STAC: variants seen among roughly 807,000 people sequenced by gnomAD.
STAC encodes the protein SH3 and cysteine-rich domain-containing protein.
A neutral mutation model predicts 48.8 loss-of-function variants in STAC; 43 were observed. The ratio of observed to expected loss-of-function variants is 0.88; its 90% confidence interval spans 0.69 to 1.14. The LOEUF is 1.14. STAC is among the 50% of genes most tolerant of loss of function. The probability of loss-of-function intolerance (pLI) is 0.00; values close to 1 mark genes in which losing one functional copy is unlikely to be tolerated. For synonymous variants in STAC, 193 were observed against 179.5 expected (o/e 1.07, Z -0.60); for missense variants, 497 against 504.0 (o/e 0.99, Z 0.13).
chr3:36,493,219 C>T lies in STAC; in HGVS notation c.756C>T (p.Arg252=), dbSNP rs1179248414. 1 of 1,613,346 alleles carries T rather than the reference C, an allele frequency of 6.2e-7. No individual in the cohort carries two copies. Among genetic ancestry groups the T allele is most frequent in the African/African-American group, 1.3e-5 (1 of 75,028 alleles). ...GPGGGYDLRK[R]SNSVFTYPEN... ...GAGGCGGGTATGACCTAAGGAAACGCAGCAACAGCGGTGAGTGAGGGAGTT... is the reference window on the plus strand; with the variant it reads ...GAGGCGGGTATGACCTAAGGAAACGTAGCAACAGCGGTGAGTGAGGGAGTT... Residue 252 remains arginine (R), a synonymous_variant, in exon 6 of 11, where the codon CGC becomes CGT. Transcript: ENST00000273183.
rs1559471388 is a variant in STAC, at chr3:36,380,633, G to GCGC, written c.-10_-8dup. ...CCTCCGGGAGCCCAACACCGTTCCC[G>GCGC]CGCGGCCACGATGATCCCTCCGAGC... is the stretch of plus-strand genomic sequence containing the variant. On this transcript the variant is annotated 5_prime_UTR_variant, in exon 1 of 11. Coordinates refer to ENST00000273183, the MANE Select transcript of STAC (RefSeq NM_003149.3). 1 of 1,572,852 alleles carries GCGC rather than the reference G, an allele frequency of 6.4e-7. No individual in the cohort carries two copies. The highest frequency in any genetic ancestry group is 8.6e-7 in the Non-Finnish European group (1 of 1,157,758).
chr3:36,414,636 C>T (rs143501920), intron 1 of STAC, among the ~76,000 whole-genome samples: 20 of 152,232 alleles, frequency 1.3e-4, no homozygotes, highest in East Asian at 1.9e-4. Context: ...TCCTTTAGCT[C>T]GGAGAAGTTT....
At chr3:36,381,710 C>T (rs763788643) in intron 1 of STAC, among the ~76,000 whole-genome samples, 8 of 152,164 alleles carry the variant, frequency 5.3e-5, no homozygotes, top group Non-Finnish European at 1.0e-4. Context: ...TGTCTCTCTT[C>T]ACATGCATCC....
chr3:36,401,626 T>C (rs1049041355), intron 1 of STAC, among the ~76,000 whole-genome samples: 1 of 152,154 alleles, frequency 6.6e-6, no homozygotes, highest in Non-Finnish European at 1.5e-5. Context: ...CCCTGTCTAC[T>C]AGCAAGACAG....
At chr3:36,450,003 T>A (rs1410212809) in intron 2 of STAC, among the ~76,000 whole-genome samples, 1 of 151,636 alleles carries the variant, frequency 6.6e-6, no homozygotes, top group Non-Finnish European at 1.5e-5. Flanking sequence ...CTGAATGCCC[T>A]TCCTTCCTAC....
Position 36,546,379 on chromosome 3 carries a change from C to A in STAC, c.*90C>A. On this transcript the variant is annotated 3_prime_UTR_variant, in exon 11 of 11. Transcript: ENST00000273183. ...CTGCGTCAACCCAAAGGAGCTGCCG[C>A]ACTGACCCAGCCCCCCAGGAAACAG... 1 of 1,109,580 alleles carries A rather than the reference C, an allele frequency of 9.0e-7. No homozygotes were observed. The highest frequency in any genetic ancestry group is 1.4e-6 in the Non-Finnish European group (1 of 729,484). 68.7% of individuals were successfully genotyped at this position (1,109,580 alleles called of 1,614,324 possible). A position where few individuals can be genotyped will look rare whatever the true frequency, so the allele number is the denominator to read the frequency against.
intron 8 of STAC, chr3:36,506,283 T>G (rs1004377155): frequency 6.5e-6 from 1 of 153,718 alleles, no homozygotes; most frequent in African/African-American, 2.4e-5. Context: ...TTCTGTACCA[T>G]TGGTCTATAT....
chr3:36,530,657 A>G (rs1329825867), intron 10 of STAC, among the ~76,000 whole-genome samples: 2 of 131,064 alleles, frequency 1.5e-5, no homozygotes, highest in African/African-American at 5.9e-5. Context: ...GTGCAATGGC[A>G]CAATCTCGGC....
At chr3:36,401,747 A>T (rs73828878) in intron 1 of STAC, among the ~76,000 whole-genome samples, 30,888 of 152,166 alleles carry the variant, frequency 0.2, 3,280 homozygotes, top group Middle Eastern at 0.23. Flanking sequence ...TTTTGAAGAA[A>T]TTCAAGACAG....
chr3:36,450,405 C>T (rs977813278), intron 2 of STAC, among the ~76,000 whole-genome samples: 3 of 152,158 alleles, frequency 2.0e-5, no homozygotes, highest in African/African-American at 7.2e-5. Context: ...ACACAGATAC[C>T]CTCTTCCCTC....
chr3:36,400,113 T>A (rs1231851440), intron 1 of STAC, among the ~76,000 whole-genome samples: 1 of 152,256 alleles, frequency 6.6e-6, no homozygotes, highest in East Asian at 1.9e-4. Flanking sequence ...GCTTTCAATG[T>A]CTCATCCCCT....
intron 5 of STAC, 48 bp from the exon 6 acceptor site, chr3:36,493,103 C>T (rs1698035085): frequency 6.4e-7 from 1 of 1,565,178 alleles, no homozygotes; most frequent in African/African-American, 1.4e-5. Flanking sequence ...CTCAATTGAC[C>T]ACAGATATAA....
rs751501265 is a variant in STAC at position 36,398,365 on chromosome 3, A to AAGAAAGAAAG, written c.111+17616_111+17617insGAAAGAGAAA. On this transcript the variant is annotated intron_variant, in intron 1 of 10. Transcript: ENST00000273183. ...AAAGAAAGAAAGAAAGAAAGAAAGAAAGAAAAGAAAGAGAGAAAGAAAGAA... is the reference window on the plus strand; with the variant it reads ...AAAGAAAGAAAGAAAGAAAGAAAGAAAGAAAGAAAGAGAAAAGAAAGAGAGAAAGAAAGAA... 1.2e-4 allele frequency among the ~76,000 whole-genome samples: 17 copies of AAGAAAGAAAG among 141,792 alleles called. 2 individuals carry two copies. Among genetic ancestry groups the AAGAAAGAAAG allele is most frequent in the Admixed American group, 3.5e-4 (5 of 14,492 alleles). 93.0% of individuals were successfully genotyped at this position (141,792 alleles called of 152,430 possible). A position where few individuals can be genotyped will look rare whatever the true frequency, so the allele number is the denominator to read the frequency against.
rs59881573 is a variant in STAC, at chr3:36,380,572, G to A, written c.-72G>A. On this transcript the variant is annotated 5_prime_UTR_variant, in exon 1 of 11. Coordinates refer to ENST00000273183, the MANE Select transcript of STAC (RefSeq NM_003149.3). Reference sequence around the variant, plus strand: ...CCCGGAGCTGAGCAGCCTGGCGCGCGGCGGGCAGGGCGCGCAGGACAGAAG... The same window carrying A: ...CCCGGAGCTGAGCAGCCTGGCGCGCAGCGGGCAGGGCGCGCAGGACAGAAG... The A allele has an allele frequency of 0.24, 301,783 of 1,268,834 alleles. 37,471 individuals carry two copies. The highest frequency in any genetic ancestry group is 0.26 in the Admixed American group (12,910 of 50,078). The allele number at this position is 1,268,834 out of a possible 1,614,324, so 78.6% of individuals were successfully genotyped here. A position where few individuals can be genotyped will look rare whatever the true frequency, so the allele number is the denominator to read the frequency against.
intron 5 of STAC, among the ~76,000 whole-genome samples, chr3:36,491,569 T>C (rs1048436596): frequency 1.3e-5 from 2 of 152,092 alleles, no homozygotes; most frequent in Non-Finnish European, 2.9e-5. Flanking sequence ...TGTGTCATGA[T>C]AGTAGCAGTG....
chr3:36,511,516 C>A (rs1698537420), intron 8 of STAC, among the ~76,000 whole-genome samples: 1 of 152,184 alleles, frequency 6.6e-6, no homozygotes, highest in Non-Finnish European at 1.5e-5. Context: ...CTTTTCCAGT[C>A]AAATGGTCCC....
At chr3:36,424,700 T>G (rs1700523911) in intron 1 of STAC, among the ~76,000 whole-genome samples, 1 of 152,072 alleles carries the variant, frequency 6.6e-6, no homozygotes, top group African/African-American at 2.4e-5. Flanking sequence ...TAGGGAAGTG[T>G]TCAAAACTGA....
chr3:36,533,473 A>ATT (rs1699119660), intron 10 of STAC, among the ~76,000 whole-genome samples: 1 of 73,756 alleles, frequency 1.4e-5, no homozygotes. Flanking sequence ...TCTTGCTAGC[A>ATT]TGTTTTTTTT....
chr3:36,428,318 A>G (rs1044477933), intron 1 of STAC, among the ~76,000 whole-genome samples: 1 of 152,236 alleles, frequency 6.6e-6, no homozygotes, highest in Non-Finnish European at 1.5e-5. Flanking sequence ...TGATGCTTGC[A>G]GTTTATTCCC....
Sources: allele counts gnomAD v4.1 joint callset (sites outside exome capture counted in the v4.1 genomes callset), GRCh38; gene constraint gnomAD v4.1.1; transcripts MANE v1.5; gene names NCBI Gene and HGNC (gene_info 2026-07-23, HGNC 2026-07-21).